B3GALNT2: variants seen among roughly 807,000 people sequenced by gnomAD.
The protein encoded by B3GALNT2 is UDP-GalNAc:beta-1,3-N-acetylgalactosaminyltransferase 2.
Under a neutral mutation model 61.1 loss-of-function variants are expected in B3GALNT2, and 53 were observed. That is an observed-to-expected ratio of 0.87 (90% CI 0.70 to 1.09). The LOEUF (loss-of-function observed/expected upper bound fraction) is 1.09, where lower values mean the gene tolerates loss of function less well. Ranked by LOEUF, B3GALNT2 falls within the 50% of genes least tolerant of loss-of-function variation. The pLI, the probability that B3GALNT2 is intolerant of heterozygous loss-of-function variation, is 0.00. For synonymous variants in B3GALNT2, 223 were observed against 237.4 expected (o/e 0.94, Z 0.56); for missense variants, 544 against 623.0 (o/e 0.87, Z 1.35).
chr1:235,458,548 A>T, intron 8 of B3GALNT2, 55 bp downstream of exon 8: 1 of 1,530,456 alleles, frequency 6.5e-7, no homozygotes. Flanking sequence ...CATCTCAAAA[A>T]AAAAAAAACT....
intron 7 of B3GALNT2, among the ~76,000 whole-genome samples, chr1:235,459,789 T>C (rs191658405): frequency 1.3e-5 from 2 of 152,100 alleles, no homozygotes; most frequent in Non-Finnish European, 2.9e-5. Context: ...GTACCTACAA[T>C]GTTTTCTTTT....
Position 235,448,254 on chromosome 1 carries a change from A to G in B3GALNT2, c.*1952T>C. The G allele has an allele frequency of 1.1e-6, 1 of 913,986 alleles. No homozygotes were observed. Among genetic ancestry groups the G allele is most frequent in the South Asian group, 1.3e-5 (1 of 76,220 alleles). 56.6% of individuals were successfully genotyped at this position (913,986 alleles called of 1,614,324 possible). ...AAAAAAAAAAAAGACAGATACAGCTATCATTGCAATGATACTGTGGTCTCA... is the reference window on the plus strand; with the variant it reads ...AAAAAAAAAAAAGACAGATACAGCTGTCATTGCAATGATACTGTGGTCTCA... On this transcript the variant is annotated 3_prime_UTR_variant, in exon 12 of 12. Coordinates refer to ENST00000366600, the MANE Select transcript of B3GALNT2 (RefSeq NM_152490.5).
chr1:235,488,692 C>CAAAAAAAAAA (rs11436508), intron 3 of B3GALNT2, among the ~76,000 whole-genome samples: 8 of 38,014 alleles, frequency 2.1e-4, no homozygotes, highest in Non-Finnish European at 1.3e-4. Flanking sequence ...ACTCCATCTC[C>CAAAAAAAAAA]AAAAAAAAAA....
chr1:235,470,426 A>G (rs1683932165), intron 6 of B3GALNT2, among the ~76,000 whole-genome samples: 1 of 151,982 alleles, frequency 6.6e-6, no homozygotes, highest in African/African-American at 2.4e-5. Context: ...CCCCATCTCT[A>G]CAAAAAACAC....
intron 4 of B3GALNT2, among the ~76,000 whole-genome samples, chr1:235,481,550 C>A (rs1274347225): frequency 6.6e-6 from 1 of 152,130 alleles, no homozygotes; most frequent in Non-Finnish European, 1.5e-5. Context: ...CACTGTATTG[C>A]CTAGGCTGGT....
chr1:235,461,115 C>T (rs998962579), intron 7 of B3GALNT2, among the ~76,000 whole-genome samples: 2 of 152,082 alleles, frequency 1.3e-5, no homozygotes, highest in Non-Finnish European at 2.9e-5. Context: ...CTGAGGGTGG[C>T]AAAGGAAATG....
rs771003959 is a variant in B3GALNT2, at chr1:235,454,296, C to T, written c.1171G>A (p.Val391Ile). Residue 391 changes from valine (V) to isoleucine (I), a missense_variant, in exon 10 of 12, where the codon GTT (valine) becomes ATT (isoleucine). Coordinates refer to ENST00000366600, the MANE Select transcript of B3GALNT2 (RefSeq NM_152490.5). ...WWGNFRLNWA[V>I]DRTGKWQELE... ...TCCTGCCACTTTCCGGTTCGGTCAA[C>T]TGCCCAATTCAGTCTGAAACTGAGA... 2.5e-6 allele frequency: 4 copies of T among 1,612,288 alleles called. No individual in the cohort carries two copies. Among genetic ancestry groups the T allele is most frequent in the Non-Finnish European group, 3.4e-6 (4 of 1,179,004 alleles).
At chr1:235,441,724 C>A in the B3GALNT2 span, 1 of 1,226,584 alleles carries the variant, frequency 8.2e-7, no homozygotes, top group Non-Finnish European at 1.2e-6. Context: ...GCTCTCTGGA[C>A]GCTTACCTAT....
chr1:235,455,670 G>A lies in B3GALNT2; in HGVS notation c.1040C>T (p.Thr347Met), dbSNP rs746993541. The A allele has an allele frequency of 2.3e-5, 37 of 1,608,898 alleles. No individual in the cohort carries two copies. The highest frequency in any genetic ancestry group is 6.7e-5 in the East Asian group (3 of 44,858). The change falls in exon 9 of 12, where the codon ACG (threonine) becomes ATG (methionine). Residue 347 changes from threonine (T) to methionine (M), a missense_variant. Physicochemically the swap from Thr to Met is moderately conservative, Grantham distance 81 (BLOSUM62 -1). Coordinates refer to ENST00000366600, the MANE Select transcript of B3GALNT2 (RefSeq NM_152490.5). ...LNFYRWTVET[T>M]SFNLLLKTDD... The stretch of plus-strand genomic sequence containing the variant: ...TGTCTTCAGCAACAAATTGAAGCTC[G>A]TTGTTTCCACAGTCCTGTTGACACA...
intron 1 of B3GALNT2, among the ~76,000 whole-genome samples, chr1:235,496,613 T>C (rs1685336423): frequency 6.6e-6 from 1 of 150,570 alleles, no homozygotes; most frequent in African/African-American, 2.4e-5. Flanking sequence ...GGCGGCGATC[T>C]CGGCTCACTG....
At chr1:235,460,016 C>A (rs1358315848) in intron 7 of B3GALNT2, among the ~76,000 whole-genome samples, 1 of 152,104 alleles carries the variant, frequency 6.6e-6, no homozygotes, top group Non-Finnish European at 1.5e-5. Context: ...TGGTCTCGAA[C>A]TCCTGACCTC....
chr1:235,468,979 A>C (rs901818921), intron 6 of B3GALNT2, among the ~76,000 whole-genome samples: 13 of 152,268 alleles, frequency 8.5e-5, no homozygotes, highest in African/African-American at 3.1e-4. Flanking sequence ...CATTTACTTT[A>C]TGAAATTTAC....
intron 7 of B3GALNT2, among the ~76,000 whole-genome samples, chr1:235,460,199 C>T (rs1350492829): frequency 6.6e-6 from 1 of 152,028 alleles, no homozygotes; most frequent in Non-Finnish European, 1.5e-5. Flanking sequence ...CTGTAATCTC[C>T]ACCTCCCGGG....
At chr1:235,504,452 TA>T, upstream of B3GALNT2, 1 of 501,850 alleles carries the variant, frequency 2.0e-6, no homozygotes, top group African/African-American at 2.1e-5. Flanking sequence ...GGCCGCGGCT[TA>T]GCCGGCCGAA....
At chr1:235,452,696 G>A (rs1682981714) in intron 11 of B3GALNT2, among the ~76,000 whole-genome samples, 1 of 152,112 alleles carries the variant, frequency 6.6e-6, no homozygotes, top group Non-Finnish European at 1.5e-5. Flanking sequence ...ACCACAGGCA[G>A]GCGCTGCCAT....
chr1:235,440,197 C>T, the B3GALNT2 span, among the ~76,000 whole-genome samples: 45 of 152,106 alleles, frequency 3.0e-4, no homozygotes, highest in Non-Finnish European at 4.9e-4. Flanking sequence ...GTCTCGATCT[C>T]CTGACCTTGT....
At chr1:235,474,143 A>G (rs1264192254) in intron 5 of B3GALNT2, among the ~76,000 whole-genome samples, 1 of 152,220 alleles carries the variant, frequency 6.6e-6, no homozygotes, top group Non-Finnish European at 1.5e-5. Context: ...AACACAGTTT[A>G]ATTTCTATTC....
intron 2 of B3GALNT2, among the ~76,000 whole-genome samples, chr1:235,492,822 T>C (rs1016978663): frequency 2.6e-5 from 4 of 152,042 alleles, no homozygotes; most frequent in African/African-American, 9.7e-5. Flanking sequence ...CCTGAGGACA[T>C]TAGTGAGAGA....
chr1:235,466,830 A>C (rs1371952211), intron 6 of B3GALNT2, among the ~76,000 whole-genome samples: 1 of 152,234 alleles, frequency 6.6e-6, no homozygotes, highest in Non-Finnish European at 1.5e-5. Context: ...CCACTATGGT[A>C]CATCTACCAG....
Sources: gnomAD v4.1 joint callset for allele counts (sites outside exome capture counted in the v4.1 genomes callset) on GRCh38, gnomAD v4.1.1 for gene constraint, MANE v1.5 for transcripts, NCBI Gene and HGNC (gene_info 2026-07-23, HGNC 2026-07-21) for gene names.